Variants in VWC2L observed in about 807,000 individuals in gnomAD.
The protein encoded by VWC2L is von Willebrand factor C domain containing 2 like.
A neutral mutation model predicts 21.6 loss-of-function variants in VWC2L; 10 were observed. That is an observed-to-expected ratio of 0.46 (90% confidence interval 0.29 to 0.78). The LOEUF (loss-of-function observed/expected upper bound fraction) is 0.78, where lower values mean the gene tolerates loss of function less well. Among genes scored for constraint, VWC2L ranks in the 30% least tolerant of loss-of-function variants. The probability of loss-of-function intolerance (pLI) is 0.10; values close to 1 mark genes in which losing one functional copy is unlikely to be tolerated. For synonymous variants in VWC2L, 96 were observed against 94.3 expected, an observed-to-expected ratio of 1.02 and a Z score of -0.10; for missense variants, 209 against 277.1, an observed-to-expected ratio of 0.75 and a Z score of 1.74.
At chr2:214,412,676 T>C (rs530729877) in intron 1 of VWC2L, among the ~76,000 whole-genome samples, 2 of 152,140 alleles carry the variant, frequency 1.3e-5, no homozygotes, top group Admixed American at 6.5e-5. Flanking sequence ...CTACCTTCCA[T>C]TTTACTATTA....
At position 214,414,256 on chromosome 2, in the gene VWC2L, T is replaced by G. The variant is rs1242779588; in HGVS notation, c.63T>G (p.Ser21=). 6.2e-7 allele frequency: 1 copy of G among 1,613,866 alleles called. No homozygotes were observed. The highest frequency in any genetic ancestry group is 8.5e-7 in the Non-Finnish European group (1 of 1,179,798). Residue 21 remains serine, a synonymous_variant, in exon 2 of 4, where the codon TCT becomes TCG. Transcript: ENST00000312504. ...LLLVIPGLVT[S]AAISHEDYPA... is the part of the protein sequence containing the mutation. ...TGGTCATCCCTGGATTGGTCACCTCTGCTGCTATCAGTCATGAAGACTATC... is the reference window on the plus strand; with the variant it reads ...TGGTCATCCCTGGATTGGTCACCTCGGCTGCTATCAGTCATGAAGACTATC...
chr2:214,494,236 C>G (rs1011288377), intron 3 of VWC2L, among the ~76,000 whole-genome samples: 3 of 152,104 alleles, frequency 2.0e-5, no homozygotes, highest in African/African-American at 7.2e-5. Context: ...GCTACAATGC[C>G]TTTAATTATT....
intron 3 of VWC2L, among the ~76,000 whole-genome samples, chr2:214,437,891 T>C (rs1702700738): frequency 6.6e-6 from 1 of 152,122 alleles, no homozygotes; most frequent in Non-Finnish European, 1.5e-5. Flanking sequence ...TGTGACATTT[T>C]CCAGATACAC....
At chr2:214,506,066 C>A (rs1482000817) in intron 3 of VWC2L, among the ~76,000 whole-genome samples, 1 of 152,142 alleles carries the variant, frequency 6.6e-6, no homozygotes, top group African/African-American at 2.4e-5. Flanking sequence ...CTATCAACAA[C>A]AACAAGGTCT....
At chr2:214,469,595 C>CAA (rs201147991) in intron 3 of VWC2L, among the ~76,000 whole-genome samples, 20 of 141,498 alleles carry the variant, frequency 1.4e-4, no homozygotes, top group South Asian at 1.1e-3. Context: ...ACTCTGTCTC[C>CAA]AAAAAAAAAA....
At chr2:214,470,162 A>T (rs746748445) in intron 3 of VWC2L, among the ~76,000 whole-genome samples, 23 of 152,150 alleles carry the variant, frequency 1.5e-4, no homozygotes, top group Non-Finnish European at 2.8e-4. Context: ...GAAAAGCTGG[A>T]TGCATAAGGT....
intron 3 of VWC2L, among the ~76,000 whole-genome samples, chr2:214,535,276 C>A (rs1334428592): frequency 1.3e-5 from 2 of 151,988 alleles, no homozygotes; most frequent in African/African-American, 4.8e-5. Flanking sequence ...CAGTCAAATT[C>A]TTTACTGAGT....
chr2:214,452,643 A>G (rs1022964423), intron 3 of VWC2L, among the ~76,000 whole-genome samples: 1 of 152,110 alleles, frequency 6.6e-6, no homozygotes, highest in African/African-American at 2.4e-5. Flanking sequence ...GTAGATGTAT[A>G]CGTAACTTTT....
intron 3 of VWC2L, among the ~76,000 whole-genome samples, chr2:214,551,164 C>T (rs181990433): frequency 9.4e-4 from 143 of 152,154 alleles, no homozygotes; most frequent in Non-Finnish European, 1.6e-3. Flanking sequence ...CTTTGAGGTT[C>T]GAAGGTCAGA....
In VWC2L at chr2:214,411,430, G is replaced by T. The variant is rs767651958; in HGVS notation, c.-437G>T. On this transcript the variant is annotated 5_prime_UTR_variant, in exon 1 of 4. Transcript: ENST00000312504. ...CTCATGTGTGGAGGAGGCGTAATCA[G>T]CCGGGAAATTTCATAGAAGGATCTA... The T allele has an allele frequency of 2.0e-5, 3 of 152,314 alleles. No individual in the cohort carries two copies. Among genetic ancestry groups the T allele is most frequent in the Non-Finnish European group, 4.4e-5 (3 of 68,034 alleles). 9.4% of individuals were successfully genotyped at this position (152,314 alleles called of 1,614,324 possible). A position where few individuals can be genotyped will look rare whatever the true frequency, so the allele number is the denominator to read the frequency against.
chr2:214,497,781 T>A (rs1413497227), intron 3 of VWC2L, among the ~76,000 whole-genome samples: 1 of 152,212 alleles, frequency 6.6e-6, no homozygotes, highest in Non-Finnish European at 1.5e-5. Context: ...GGGATTTATA[T>A]TCATAACAAA....
chr2:214,492,925 C>T (rs566624302), intron 3 of VWC2L, among the ~76,000 whole-genome samples: 2 of 152,302 alleles, frequency 1.3e-5, no homozygotes, highest in Admixed American at 6.5e-5. Flanking sequence ...GGGAGCTCAT[C>T]ACTTTCATTC....
rs749216252 is a variant in VWC2L, at chr2:214,436,593, T to C, written c.391-36T>C. On this transcript the variant is annotated intron_variant, in intron 2 of 3. Coordinates refer to ENST00000312504, the MANE Select transcript of VWC2L (RefSeq NM_001080500.4). ...ATATGAATGTGCAAGCATTAAGTTATAGGAGAAAAGGGGCTAATTTTAGAT... is the reference window on the plus strand; with the variant it reads ...ATATGAATGTGCAAGCATTAAGTTACAGGAGAAAAGGGGCTAATTTTAGAT... 8 of 1,609,820 alleles carry C rather than the reference T, an allele frequency of 5.0e-6. No homozygotes were observed. The African/African-American group carries it at 9.3e-5, about 19-fold the overall frequency.
chr2:214,561,659 C>G (rs986310015), intron 3 of VWC2L, among the ~76,000 whole-genome samples: 20 of 151,446 alleles, frequency 1.3e-4, no homozygotes, highest in Non-Finnish European at 2.2e-4. Context: ...CCTATAGCCC[C>G]AGCTACTCAG....
intron 3 of VWC2L, among the ~76,000 whole-genome samples, chr2:214,467,549 AGT>A (rs1703235397): frequency 6.6e-6 from 1 of 152,096 alleles, no homozygotes; most frequent in Non-Finnish European, 1.5e-5. Flanking sequence ...CCTGATATCC[AGT>A]GTCTTGAAAA....
chr2:214,421,650 T>A (rs1702441625), intron 2 of VWC2L, among the ~76,000 whole-genome samples: 1 of 152,034 alleles, frequency 6.6e-6, no homozygotes, highest in Non-Finnish European at 1.5e-5. Flanking sequence ...AGGTCAGTCA[T>A]CAGTAGTTTA....
chr2:214,469,363 G>A (rs1377657634), intron 3 of VWC2L, among the ~76,000 whole-genome samples: 1 of 152,182 alleles, frequency 6.6e-6, no homozygotes, highest in Non-Finnish European at 1.5e-5. Context: ...ACTTTGGGAG[G>A]TCGAGGTGGG....
chr2:214,572,187 G>C, intron 3 of VWC2L, among the ~76,000 whole-genome samples: 1 of 152,210 alleles, frequency 6.6e-6, no homozygotes, highest in East Asian at 1.9e-4. Context: ...TGATGTGTAA[G>C]TGTGTTCAAT....
At chr2:214,491,352 T>C (rs1203991197) in intron 3 of VWC2L, among the ~76,000 whole-genome samples, 2 of 152,112 alleles carry the variant, frequency 1.3e-5, no homozygotes, top group African/African-American at 2.4e-5. Flanking sequence ...ATGCGTCTGA[T>C]TGAATGAGAA....
Sources: allele counts gnomAD v4.1 joint callset (sites outside exome capture counted in the v4.1 genomes callset), GRCh38; gene constraint gnomAD v4.1.1; transcripts MANE v1.5; gene names NCBI Gene and HGNC (gene_info 2026-07-23, HGNC 2026-07-21).